MSRA: variants seen among roughly 807,000 people sequenced by gnomAD.
The protein encoded by MSRA is methionine sulfoxide reductase A.
A neutral mutation model predicts 31.3 loss-of-function variants in MSRA; 54 were observed. That is an observed-to-expected ratio of 1.73 (90% CI 1.39 to 2.17). The LOEUF (loss-of-function observed/expected upper bound fraction) is 2.17. MSRA is among the 30% of genes most tolerant of loss of function. The pLI is 0.00. For missense variants in MSRA, 507 were observed against 300.9 expected, an observed-to-expected ratio of 1.69 and a Z score of -5.07; for synonymous variants, 169 against 116.5, an observed-to-expected ratio of 1.45 and a Z score of -2.90.
chr8:10,390,166 C>T (rs1242027121), intron 5 of MSRA, among the ~76,000 whole-genome samples: 1 of 152,214 alleles, frequency 6.6e-6, no homozygotes, highest in Non-Finnish European at 1.5e-5. Flanking sequence ...GTCTCTGTAC[C>T]TTGGGGAGTG....
intron 5 of MSRA, among the ~76,000 whole-genome samples, chr8:10,363,800 C>T (rs547897865): frequency 1.4e-4 from 12 of 87,444 alleles, no homozygotes; most frequent in East Asian, 6.5e-4. Context: ...TTGTGGTGCG[C>T]ACCCACCTGT....
chr8:10,185,557 G>T (rs753390008), intron 1 of MSRA, among the ~76,000 whole-genome samples: 1 of 152,176 alleles, frequency 6.6e-6, no homozygotes, highest in Non-Finnish European at 1.5e-5. Flanking sequence ...ATGCTCAAGG[G>T]TGTCTTTGTG....
intron 1 of MSRA, among the ~76,000 whole-genome samples, chr8:10,121,572 G>A (rs1389160811): frequency 6.6e-6 from 1 of 152,142 alleles, no homozygotes; most frequent in Admixed American, 6.5e-5. Flanking sequence ...AAGCCTTTTG[G>A]CCAGAATTGC....
At chr8:10,222,339 C>A (rs986507429) in intron 2 of MSRA, among the ~76,000 whole-genome samples, 1 of 152,134 alleles carries the variant, frequency 6.6e-6, no homozygotes, top group African/African-American at 2.4e-5. Flanking sequence ...TTAAATGACA[C>A]ATTAGCTTGG....
intron 1 of MSRA, among the ~76,000 whole-genome samples, chr8:10,172,394 C>T (rs746578770): frequency 6.6e-6 from 1 of 152,050 alleles, no homozygotes; most frequent in Non-Finnish European, 1.5e-5. Flanking sequence ...CATTCTGGCG[C>T]TGTCTCTGAA....
chr8:10,054,618 G>C lies in MSRA; in HGVS notation c.102G>C (p.Gln34His). The C allele has an allele frequency of 1.3e-6, 2 of 1,577,870 alleles. No individual in the cohort carries two copies. Among genetic ancestry groups the C allele is most frequent in the South Asian group, 2.3e-5 (2 of 87,920 alleles). ...CGGCCTCGAACATCGTCAGCCCCCA[G>C]GAGGCCTTGCCGGGCCGGAAGGAAC... ...GNSASNIVSPQEALPGRKEQT... is the reference protein window; with the variant it reads ...GNSASNIVSPHEALPGRKEQT... The change falls in exon 1 of 6, where the codon CAG becomes CAC. Residue 34 changes from glutamine to histidine, a missense_variant. By Grantham distance (24) the Gln-to-His change is conservative. Transcript: ENST00000317173.
At chr8:10,161,597 C>G (rs1804649876) in intron 1 of MSRA, among the ~76,000 whole-genome samples, 1 of 152,206 alleles carries the variant, frequency 6.6e-6, no homozygotes, top group Admixed American at 6.5e-5. Context: ...TATACAATCT[C>G]AACAAATGGT....
intron 2 of MSRA, among the ~76,000 whole-genome samples, chr8:10,224,796 T>A (rs186852803): frequency 2.6e-5 from 4 of 152,328 alleles, no homozygotes; most frequent in Admixed American, 2.0e-4. Flanking sequence ...CTCCTTAGTC[T>A]GACATGTAAG....
At chr8:10,133,610 A>G (rs1184840101) in intron 1 of MSRA, among the ~76,000 whole-genome samples, 3 of 152,194 alleles carry the variant, frequency 2.0e-5, no homozygotes, top group African/African-American at 7.2e-5. Context: ...GAGTTTTAGT[A>G]TACCCACAGT....
intron 5 of MSRA, among the ~76,000 whole-genome samples, chr8:10,386,584 CGTCAGAGCTTGCCAA>C (rs1554547395): frequency 6.6e-6 from 1 of 152,128 alleles, no homozygotes; most frequent in Non-Finnish European, 1.5e-5. Context: ...TTGCAAGCGC[CGTCAGAGCTTGCCAA>C]GACACAATTG....
chr8:10,061,903 A>G (rs913924334), intron 1 of MSRA, among the ~76,000 whole-genome samples: 5 of 152,180 alleles, frequency 3.3e-5, no homozygotes, highest in African/African-American at 1.2e-4. Context: ...CATCTGCAGC[A>G]GTGGTGGGGA....
chr8:10,143,791 A>G (rs973504774), intron 1 of MSRA, among the ~76,000 whole-genome samples: 1 of 152,216 alleles, frequency 6.6e-6, no homozygotes, highest in African/African-American at 2.4e-5. Context: ...CTGACTCTTC[A>G]GATACATATC....
chr8:10,148,727 A>C (rs1162267174), intron 1 of MSRA, among the ~76,000 whole-genome samples: 1 of 140,762 alleles, frequency 7.1e-6, no homozygotes, highest in Non-Finnish European at 1.6e-5. Flanking sequence ...GCTTGAACCC[A>C]GGAGGTCAGG....
intron 1 of MSRA, among the ~76,000 whole-genome samples, chr8:10,084,116 G>C (rs556096459): frequency 6.6e-6 from 1 of 152,348 alleles, no homozygotes; most frequent in Admixed American, 6.5e-5. Context: ...TGGCATTTCA[G>C]CGACCCTGCT....
At chr8:10,145,680 C>T (rs1056420579) in intron 1 of MSRA, among the ~76,000 whole-genome samples, 1 of 152,094 alleles carries the variant, frequency 6.6e-6, no homozygotes, top group Non-Finnish European at 1.5e-5. Context: ...AAGTGGTTTC[C>T]CTGAAATGTG....
At chr8:10,121,349 C>T (rs1260988689) in intron 1 of MSRA, among the ~76,000 whole-genome samples, 1 of 152,140 alleles carries the variant, frequency 6.6e-6, no homozygotes, top group Non-Finnish European at 1.5e-5. Context: ...GACCGTGCAT[C>T]CACCTGAGGC....
chr8:10,129,541 C>G (rs920185995), intron 1 of MSRA, among the ~76,000 whole-genome samples: 1 of 152,086 alleles, frequency 6.6e-6, no homozygotes, highest in African/African-American at 2.4e-5. Context: ...GAGCACCAAG[C>G]AGGACCTTGA....
intron 5 of MSRA, among the ~76,000 whole-genome samples, chr8:10,324,546 C>T (rs1043372728): frequency 1.3e-5 from 2 of 152,154 alleles, no homozygotes; most frequent in Non-Finnish European, 2.9e-5. Flanking sequence ...TTTTCCTTTT[C>T]AGGAACCAAA....
intron 5 of MSRA, among the ~76,000 whole-genome samples, chr8:10,409,902 A>G (rs1808053087): frequency 6.6e-6 from 1 of 152,208 alleles, no homozygotes; most frequent in Non-Finnish European, 1.5e-5. Context: ...TACAGAAAAT[A>G]AAAAGAATTA....
Sources: allele counts gnomAD v4.1 joint callset (sites outside exome capture counted in the v4.1 genomes callset), GRCh38; gene constraint gnomAD v4.1.1; transcripts MANE v1.5; gene names NCBI Gene and HGNC (gene_info 2026-07-23, HGNC 2026-07-21).